The following TBL1X variants were observed in gnomAD, a reference collection of about 807,000 sequenced individuals.
The protein encoded by TBL1X is F-box-like/WD repeat-containing protein TBL1X.
In TBL1X, 10 loss-of-function variants were observed where a neutral mutation model predicts 50.7. The ratio of observed to expected loss-of-function variants is 0.20; its 90% CI spans 0.12 to 0.33. The LOEUF is 0.33. TBL1X is among the 10% of genes least tolerant of loss of function. The pLI, the probability that TBL1X is intolerant of heterozygous loss-of-function variation, is 1.00. For missense variants in TBL1X, 340 were observed against 504.4 expected, an observed-to-expected ratio of 0.67 and a Z score of 3.12; for synonymous variants, 190 against 214.7, an observed-to-expected ratio of 0.88 and a Z score of 1.01.
chrX:9,547,148 G>A lies in TBL1X; in HGVS notation c.-131+45299G>A, dbSNP rs1329444254. ...CTTAATTTTTAAAAGTGTGTTATAC[G>A]TTGTTGTCATTACATTATTCTTTTA... On this transcript the variant is annotated intron_variant, in intron 2 of 17. Transcript: ENST00000645353. 2.7e-5 allele frequency among the ~76,000 whole-genome samples: 3 copies of A among 110,807 alleles called. No individual in the cohort carries two copies. The East Asian group carries it at 8.5e-4, about 32-fold the overall frequency.
chrX:9,523,133 A>G (rs933258948), intron 2 of TBL1X, among the ~76,000 whole-genome samples: 2 of 112,058 alleles, frequency 1.8e-5, no homozygotes, highest in African/African-American at 3.2e-5. Flanking sequence ...CCAAACCCCA[A>G]GTCCAGTAGC....
intron 2 of TBL1X, among the ~76,000 whole-genome samples, chrX:9,623,110 G>A (rs752819215): frequency 8.1e-5 from 9 of 111,657 alleles, no homozygotes; most frequent in East Asian, 5.6e-4. Context: ...GGGTCCAACC[G>A]TGACTCCTAT....
intron 2 of TBL1X, among the ~76,000 whole-genome samples, chrX:9,541,863 A>G (rs2082216463): frequency 9.0e-6 from 1 of 111,351 alleles, no homozygotes; most frequent in Non-Finnish European, 1.9e-5. Context: ...AAAGTTGACA[A>G]CGATCACAAA....
intron 2 of TBL1X, among the ~76,000 whole-genome samples, chrX:9,572,623 A>G (rs1203629675): frequency 1.8e-5 from 2 of 112,878 alleles, no homozygotes; most frequent in Non-Finnish European, 3.7e-5. Flanking sequence ...CCGAATTCCA[A>G]AGAAACTGCT....
chrX:9,535,686 G>A (rs1018533670), intron 2 of TBL1X, among the ~76,000 whole-genome samples: 2 of 112,167 alleles, frequency 1.8e-5, no homozygotes, highest in African/African-American at 6.5e-5. Flanking sequence ...AATGTTAAAG[G>A]ACAGTGCCCT....
intron 5 of TBL1X, among the ~76,000 whole-genome samples, chrX:9,665,249 T>G (rs2082920569): frequency 9.4e-6 from 1 of 106,935 alleles, no homozygotes; most frequent in Non-Finnish European, 1.9e-5. Context: ...GATAATAAAA[T>G]AATTGAGAGT....
intron 2 of TBL1X, among the ~76,000 whole-genome samples, chrX:9,594,957 A>T (rs2082520319): frequency 8.9e-6 from 1 of 111,949 alleles, no homozygotes; most frequent in Non-Finnish European, 1.9e-5. Flanking sequence ...TTGGTCACAT[A>T]ACCTCTCAAG....
intron 1 of TBL1X, among the ~76,000 whole-genome samples, chrX:9,491,332 A>AT (rs1346823218): frequency 5.6e-4 from 13 of 23,174 alleles, no homozygotes; most frequent in African/African-American, 2.4e-3. Flanking sequence ...ATATATATAT[A>AT]TATATATTTT....
chrX:9,541,942 CTTTTTTT>C lies in TBL1X; in HGVS notation c.-131+40102_-131+40108del, dbSNP rs747084885. Among the ~76,000 whole-genome samples the C allele has an allele frequency of 5.2e-5, 5 of 95,316 alleles. No homozygotes were observed. The East Asian group carries it at 1.3e-3, about 24-fold the overall frequency. 82.8% of individuals were successfully genotyped at this position (95,316 alleles called of 115,157 possible). A position where few individuals can be genotyped will look rare whatever the true frequency, so the allele number is the denominator to read the frequency against. On this transcript the variant is annotated intron_variant, in intron 2 of 17. Coordinates refer to ENST00000645353, the MANE Select transcript of TBL1X (RefSeq NM_005647.4). ...TCATATCTTTTTTCTTTTCTTTTTT[CTTTTTTT>C]TTTTTTTTAACAAAAATCTGTATAT...
intron 2 of TBL1X, among the ~76,000 whole-genome samples, chrX:9,599,312 G>T (rs1018851071): frequency 1.8e-5 from 2 of 111,976 alleles, no homozygotes; most frequent in Non-Finnish European, 3.8e-5. Flanking sequence ...GTTTACATCT[G>T]CAAAGACCCT....
chrX:9,687,425 A>C (rs2083066365), intron 6 of TBL1X, among the ~76,000 whole-genome samples: 1 of 111,582 alleles, frequency 9.0e-6, no homozygotes, highest in Non-Finnish European at 1.9e-5. Context: ...TTACCCTCCC[A>C]TATAATGGAT....
chrX:9,701,468 T>C (rs925266510), intron 12 of TBL1X, among the ~76,000 whole-genome samples: 4 of 104,726 alleles, frequency 3.8e-5, no homozygotes, highest in African/African-American at 1.4e-4. Flanking sequence ...TCTCTTTAGA[T>C]CAGGAATGTC....
At chrX:9,520,912 G>C (rs1454491691) in intron 2 of TBL1X, among the ~76,000 whole-genome samples, 5 of 111,047 alleles carry the variant, frequency 4.5e-5, no homozygotes, top group Admixed American at 1.9e-4. Flanking sequence ...GGTAGCAGCA[G>C]CATAGAGAGA....
At chrX:9,596,976 G>A (rs2082529840) in intron 2 of TBL1X, among the ~76,000 whole-genome samples, 1 of 111,166 alleles carries the variant, frequency 9.0e-6, no homozygotes, top group Non-Finnish European at 1.9e-5. Context: ...AAAGCCCATG[G>A]CCCATGGTTT....
chrX:9,556,446 T>G (rs2082300110), intron 2 of TBL1X, among the ~76,000 whole-genome samples: 1 of 106,896 alleles, frequency 9.4e-6, no homozygotes, highest in Admixed American at 1.0e-4. Context: ...TTGCTTCAGC[T>G]CAGGAGTTCG....
At chrX:9,672,792 CCA>C (rs1174803619) in intron 5 of TBL1X, among the ~76,000 whole-genome samples, 1 of 112,668 alleles carries the variant, frequency 8.9e-6, no homozygotes, top group Admixed American at 9.4e-5. Context: ...CATTTCCCTA[CCA>C]CAGTCTGTCC....
In TBL1X at chrX:9,532,878, A is replaced by G. The variant is rs569518852; in HGVS notation, c.-131+31029A>G. 2.8e-4 allele frequency among the ~76,000 whole-genome samples: 31 copies of G among 111,326 alleles called. No individual in the cohort carries two copies. The South Asian group carries it at 0.011, about 41-fold the overall frequency. On this transcript the variant is annotated intron_variant, in intron 2 of 17. Transcript: ENST00000645353. ...GTCACATTCTGAGGTCCTGGGGCTT[A>G]AGGCTTCAGCATATGAGTTGGGAGT...
chrX:9,479,965 T>TGTGTGTGTGTGTGTGTGTGTG (rs1313372994), intron 1 of TBL1X, among the ~76,000 whole-genome samples: 27 of 108,641 alleles, frequency 2.5e-4, no homozygotes, highest in African/African-American at 4.7e-4. Context: ...TGTGTGTGTG[T>TGTGTGTGTGTGTGTGTGTGTG]TTGAGATGGA....
rs767388180 is a variant in TBL1X, at chrX:9,591,947, T to TGA, written c.-130-48325_-130-48324dup. 1.1e-4 allele frequency among the ~76,000 whole-genome samples: 12 copies of TGA among 112,536 alleles called. No homozygotes were observed. In the East Asian group the frequency reaches 2.8e-3, roughly 26 times the overall value. ...TTTTAATGAAAGCCGTTTGGTCACC[T>TGA]GAAGAACAGCTTTGATTTTACTTCT... On this transcript the variant is annotated intron_variant, in intron 2 of 17. Coordinates refer to ENST00000645353, the MANE Select transcript of TBL1X (RefSeq NM_005647.4).
Sources: allele counts gnomAD v4.1 joint callset (sites outside exome capture counted in the v4.1 genomes callset), GRCh38; gene constraint gnomAD v4.1.1; transcripts MANE v1.5; gene names NCBI Gene and HGNC (gene_info 2026-07-23, HGNC 2026-07-21).